The following PTPRE variants were observed in gnomAD, a reference collection of about 807,000 sequenced individuals.
PTPRE encodes the protein protein tyrosine phosphatase receptor type E.
Under a neutral mutation model 102.0 loss-of-function variants are expected in PTPRE, and 51 were observed. The ratio of observed to expected loss-of-function variants is 0.50; its 90% CI spans 0.40 to 0.63. The LOEUF is 0.63. PTPRE is among the 30% of genes least tolerant of loss of function. The pLI, the probability that PTPRE is intolerant of heterozygous loss-of-function variation, is 0.00. For synonymous variants in PTPRE, 345 were observed against 348.2 expected (o/e 0.99, Z 0.10); for missense variants, 752 against 915.1 (o/e 0.82, Z 2.30).
At chr10:128,057,539 G>A (rs937267677) in intron 7 of PTPRE, among the ~76,000 whole-genome samples, 2 of 152,200 alleles carry the variant, frequency 1.3e-5, no homozygotes, top group South Asian at 2.1e-4. Context: ...TGGTCTGTCC[G>A]ATCTGTGGTC....
At chr10:127,965,429 GTT>G in intron 1 of PTPRE, among the ~76,000 whole-genome samples, 1 of 152,230 alleles carries the variant, frequency 6.6e-6, no homozygotes, top group Non-Finnish European at 1.5e-5. Flanking sequence ...GAGTTTGGGG[GTT>G]TTGTTATAAG....
At chr10:128,021,263 C>G (rs936960996) in intron 2 of PTPRE, among the ~76,000 whole-genome samples, 1 of 152,122 alleles carries the variant, frequency 6.6e-6, no homozygotes, top group Non-Finnish European at 1.5e-5. Flanking sequence ...CAGGCTAGAC[C>G]CTGCATCTGA....
Position 128,072,142 on chromosome 10 carries a change from C to T in PTPRE, c.1392C>T (p.Asp464=), listed in dbSNP as rs758614257. 3.7e-6 allele frequency: 6 copies of T among 1,613,766 alleles called. No homozygotes were observed. The highest frequency in any genetic ancestry group is 1.3e-5 in the African/African-American group (1 of 75,036). ...KARVIQIIPY[D]FNRVILSMKR... ...AAGGAAGATAATGCTTTGCAGATGACTTCAACCGAGTGATCCTTTCCATGA... is the reference window on the plus strand; with the variant it reads ...AAGGAAGATAATGCTTTGCAGATGATTTCAACCGAGTGATCCTTTCCATGA... The change falls in exon 16 of 21, where the codon GAC becomes GAT. Residue 464 remains aspartate, a synonymous_variant. Coordinates refer to ENST00000254667, the MANE Select transcript of PTPRE (RefSeq NM_006504.6).
intron 2 of PTPRE, among the ~76,000 whole-genome samples, chr10:127,988,315 T>C (rs1219368950): frequency 1.3e-5 from 2 of 149,562 alleles, no homozygotes; most frequent in Non-Finnish European, 1.5e-5. Flanking sequence ...TTTTTTTTTT[T>C]TTTTTTTTGA....
At chr10:127,941,019 G>A (rs1006311209) in intron 1 of PTPRE, among the ~76,000 whole-genome samples, 1 of 152,200 alleles carries the variant, frequency 6.6e-6, no homozygotes. Flanking sequence ...AAGCAGGGCA[G>A]GAGGCACCAA....
chr10:127,980,337 C>T (rs1851506065), intron 1 of PTPRE, among the ~76,000 whole-genome samples: 1 of 126,874 alleles, frequency 7.9e-6, no homozygotes, highest in African/African-American at 3.6e-5. Context: ...ATATACAAAT[C>T]CTTTTTTTTT....
chr10:127,938,890 C>G (rs553400483), intron 1 of PTPRE, among the ~76,000 whole-genome samples: 1 of 152,220 alleles, frequency 6.6e-6, no homozygotes, highest in African/African-American at 2.4e-5. Context: ...AATCCCAGGG[C>G]GCTCTGCGTT....
At chr10:127,941,159 C>A (rs1162533208) in intron 1 of PTPRE, among the ~76,000 whole-genome samples, 1 of 152,190 alleles carries the variant, frequency 6.6e-6, no homozygotes, top group Non-Finnish European at 1.5e-5. Flanking sequence ...GGTGGAGGCC[C>A]TGTGGCATCT....
chr10:128,060,260 A>C (rs972733772), intron 7 of PTPRE, among the ~76,000 whole-genome samples: 2 of 151,264 alleles, frequency 1.3e-5, no homozygotes, highest in African/African-American at 4.9e-5. Flanking sequence ...CACCACACAC[A>C]CAATACACAC....
intron 20 of PTPRE, among the ~76,000 whole-genome samples, chr10:128,081,357 TC>T (rs1487092892): frequency 6.6e-6 from 1 of 152,100 alleles, no homozygotes. Context: ...TCTCCTGGAG[TC>T]TGTGGATTGA....
At chr10:127,914,528 A>AT (rs1846078698) in intron 1 of PTPRE, among the ~76,000 whole-genome samples, 1 of 152,168 alleles carries the variant, frequency 6.6e-6, no homozygotes, top group Non-Finnish European at 1.5e-5. Context: ...GGATCTTTGG[A>AT]GGTGGGAAGG....
chr10:128,049,567 A>G lies in PTPRE; in HGVS notation c.321A>G (p.Ser107=). 2 of 1,613,366 alleles carry G rather than the reference A, an allele frequency of 1.2e-6. No homozygotes were observed. Among genetic ancestry groups the G allele is most frequent in the Non-Finnish European group, 1.7e-6 (2 of 1,179,458 alleles). The change falls in exon 6 of 21, where the codon TCA becomes TCG. Residue 107 remains serine (S), a synonymous_variant. Transcript: ENST00000254667. ...TGATGCTGCTCAGCAGGTCACCCTC[A>G]GGGCCCAAGAAGTATTTTCCCATCC... ...QRVMLLSRSP[S]GPKKYFPIPV...
chr10:128,039,674 A>G (rs974790157), intron 2 of PTPRE, among the ~76,000 whole-genome samples: 8 of 148,276 alleles, frequency 5.4e-5, no homozygotes, highest in Non-Finnish European at 8.9e-5. Flanking sequence ...CGGGGAATGG[A>G]TGTTTCTTGG....
chr10:128,075,482 C>T (rs1472334784), intron 17 of PTPRE, among the ~76,000 whole-genome samples: 2 of 152,070 alleles, frequency 1.3e-5, no homozygotes, highest in African/African-American at 4.8e-5. Context: ...TGTTGTTCCC[C>T]TCCCTGTGTC....
intron 3 of PTPRE, among the ~76,000 whole-genome samples, chr10:128,047,055 A>T (rs993423400): frequency 6.6e-6 from 1 of 152,148 alleles, no homozygotes; most frequent in Non-Finnish European, 1.5e-5. Flanking sequence ...CCTGCAGTGG[A>T]CACCGGCCCC....
At chr10:128,018,567 G>A (rs891232489) in intron 2 of PTPRE, among the ~76,000 whole-genome samples, 2 of 152,152 alleles carry the variant, frequency 1.3e-5, no homozygotes, top group Non-Finnish European at 2.9e-5. Context: ...CGAGGCCCTC[G>A]CCAACAGCTG....
chr10:127,983,275 T>G (rs544532753), intron 2 of PTPRE, among the ~76,000 whole-genome samples: 1 of 152,320 alleles, frequency 6.6e-6, no homozygotes, highest in South Asian at 2.1e-4. Flanking sequence ...GAATGTTAAA[T>G]AAAAGTAATG....
chr10:128,055,796 G>A (rs768108299), intron 6 of PTPRE, among the ~76,000 whole-genome samples: 1 of 152,190 alleles, frequency 6.6e-6, no homozygotes, highest in Non-Finnish European at 1.5e-5. Flanking sequence ...ACCTGCTCTA[G>A]GCCAGGGTCC....
intron 20 of PTPRE, among the ~76,000 whole-genome samples, chr10:128,080,357 T>G (rs1480766843): frequency 1.3e-5 from 2 of 152,200 alleles, no homozygotes; most frequent in African/African-American, 4.8e-5. Context: ...CCTCCCTGCC[T>G]GCTCACTCTC....
Sources: gnomAD v4.1 joint callset for allele counts (sites outside exome capture counted in the v4.1 genomes callset) on GRCh38, gnomAD v4.1.1 for gene constraint, MANE v1.5 for transcripts, NCBI Gene and HGNC (gene_info 2026-07-23, HGNC 2026-07-21) for gene names.